CORO2B: variants seen among roughly 807,000 people sequenced by gnomAD.
CORO2B encodes coronin 2B.
A neutral mutation model predicts 58.8 loss-of-function variants in CORO2B; 26 were observed. The ratio of observed to expected loss-of-function variants is 0.44; its 90% CI spans 0.32 to 0.61. The LOEUF is 0.61. Among genes scored for constraint, CORO2B ranks in the 20% least tolerant of loss-of-function variants. The probability of loss-of-function intolerance (pLI) is 0.04; values close to 1 mark genes in which losing one functional copy is unlikely to be tolerated. For missense variants in CORO2B, 460 were observed against 645.1 expected (o/e 0.71, Z 3.11); for synonymous variants, 242 against 253.8 (o/e 0.95, Z 0.44).
chr15:68,544,868 C>T, the CORO2B span, among the ~76,000 whole-genome samples: 4 of 152,208 alleles, frequency 2.6e-5, no homozygotes, highest in African/African-American at 7.2e-5. Flanking sequence ...GCTCCGCCTC[C>T]GGGGTTCACG....
intron 2 of CORO2B, among the ~76,000 whole-genome samples, chr15:68,650,186 T>G (rs1018458122): frequency 4.0e-5 from 6 of 151,752 alleles, no homozygotes; most frequent in Non-Finnish European, 7.4e-5. Context: ...CTGACCAACA[T>G]GGAGAAACCC....
At chr15:68,697,162 TTGGATGGATAGATGGA>T (rs1892533102) in intron 3 of CORO2B, among the ~76,000 whole-genome samples, 1 of 148,592 alleles carries the variant, frequency 6.7e-6, no homozygotes, top group Non-Finnish European at 1.5e-5. Context: ...GGATGGATTG[TTGGATGGATAGATGGA>T]TGGATGGATT....
chr15:68,690,050 A>G (rs777552278), intron 2 of CORO2B, among the ~76,000 whole-genome samples: 1 of 152,234 alleles, frequency 6.6e-6, no homozygotes, highest in African/African-American at 2.4e-5. Context: ...AAAATGTATT[A>G]CTTCCCAATT....
At chr15:68,709,288 C>T (rs1245179575) in intron 3 of CORO2B, among the ~76,000 whole-genome samples, 1 of 152,170 alleles carries the variant, frequency 6.6e-6, no homozygotes, top group African/African-American at 2.4e-5. Flanking sequence ...ATACTACCAA[C>T]ATCCATTCAA....
intron 1 of CORO2B, among the ~76,000 whole-genome samples, chr15:68,613,136 A>G (rs1900278856): frequency 6.6e-6 from 1 of 152,222 alleles, no homozygotes; most frequent in Non-Finnish European, 1.5e-5. Flanking sequence ...CTTTAGTCTT[A>G]CATCCAGCTT....
intron 2 of CORO2B, among the ~76,000 whole-genome samples, chr15:68,670,707 G>A (rs756001146): frequency 3.9e-5 from 6 of 152,210 alleles, no homozygotes; most frequent in Non-Finnish European, 7.3e-5. Context: ...CTAAGCAAAT[G>A]AAGATATAAG....
chr15:68,652,195 T>C (rs959111584), intron 2 of CORO2B, among the ~76,000 whole-genome samples: 1 of 152,200 alleles, frequency 6.6e-6, no homozygotes, highest in African/African-American at 2.4e-5. Context: ...GGCTCTGTCT[T>C]CCCCAGGTCT....
At chr15:68,601,747 C>A (rs1899989283) in intron 1 of CORO2B, among the ~76,000 whole-genome samples, 1 of 152,180 alleles carries the variant, frequency 6.6e-6, no homozygotes, top group Non-Finnish European at 1.5e-5. Flanking sequence ...TTGAGTGCAG[C>A]TGGGGCTTAG....
chr15:68,599,829 A>AT (rs1899936896), intron 1 of CORO2B, among the ~76,000 whole-genome samples: 1 of 152,108 alleles, frequency 6.6e-6, no homozygotes, highest in Admixed American at 6.5e-5. Context: ...ATCTTGTCTA[A>AT]TTGTGCTCGA....
intron 2 of CORO2B, among the ~76,000 whole-genome samples, chr15:68,661,545 C>T (rs1332931071): frequency 6.6e-6 from 1 of 152,162 alleles, no homozygotes; most frequent in African/African-American, 2.4e-5. Context: ...GAGTTAGCAG[C>T]TTTACAGATA....
chr15:68,722,400 A>G (rs1391043065), intron 11 of CORO2B, among the ~76,000 whole-genome samples: 2 of 152,194 alleles, frequency 1.3e-5, no homozygotes, highest in Non-Finnish European at 2.9e-5. Context: ...GGAAGCAGCC[A>G]GTTAGAAAGT....
chr15:68,663,595 A>T (rs1263027445), intron 2 of CORO2B, among the ~76,000 whole-genome samples: 4 of 152,252 alleles, frequency 2.6e-5, no homozygotes, highest in Admixed American at 2.0e-4. Context: ...AATCAAAATT[A>T]AAAACTTTTG....
In CORO2B at chr15:68,579,069, G is replaced by A. The variant is rs1899344547; in HGVS notation, c.-194G>A. ...CATTCGGGGCTGACATCAGCGACGA[G>A]CGGCGGGCGAGCGCCGACGAGCGGT... On this transcript the variant is annotated 5_prime_UTR_variant, in exon 1 of 12. Transcript: ENST00000261861. 1.0e-6 allele frequency: 1 copy of A among 983,780 alleles called. No homozygotes were observed. Among genetic ancestry groups the A allele is most frequent in the African/African-American group, 1.8e-5 (1 of 57,038 alleles). The allele number at this position is 983,780 out of a possible 1,614,324, so 60.9% of individuals were successfully genotyped here.
rs1900224824 is a variant in CORO2B at position 68,610,536 on chromosome 15, C to CTCCTGTTCTCCCA, written c.15+31264_15+31276dup. 2.6e-5 allele frequency among the ~76,000 whole-genome samples: 4 copies of CTCCTGTTCTCCCA among 152,226 alleles called. No homozygotes were observed. In the South Asian group the frequency reaches 8.3e-4, roughly 32 times the overall value. ...CCCTCCCTCATACATCCTCTCTCCC[C>CTCCTGTTCTCCCA]TCCTGTTCTCCCATCCTTCCATCAC... is the stretch of plus-strand genomic sequence containing the variant. On this transcript the variant is annotated intron_variant, in intron 1 of 11. Coordinates refer to ENST00000261861, the MANE Select transcript of CORO2B (RefSeq NM_006091.5).
chr15:68,695,313 T>A, intron 3 of CORO2B, 57 bp downstream of exon 3: 2 of 1,258,228 alleles, frequency 1.6e-6, no homozygotes, highest in Non-Finnish European at 1.2e-6. Context: ...CTGCTTCCTT[T>A]GGAGGCCTCT....
the CORO2B span, among the ~76,000 whole-genome samples, chr15:68,520,125 C>A: frequency 6.6e-6 from 1 of 152,090 alleles, no homozygotes; most frequent in Non-Finnish European, 1.5e-5. Flanking sequence ...CCACTGTGGT[C>A]AAAAAACAAA....
chr15:68,532,452 A>G, the CORO2B span, among the ~76,000 whole-genome samples: 1 of 152,206 alleles, frequency 6.6e-6, no homozygotes, highest in Admixed American at 6.5e-5. Flanking sequence ...TTCATTTCAC[A>G]TATTGTATTT....
At chr15:68,716,933 A>C (rs1238643612) in intron 8 of CORO2B, among the ~76,000 whole-genome samples, 1 of 152,066 alleles carries the variant, frequency 6.6e-6, no homozygotes, top group Non-Finnish European at 1.5e-5. Flanking sequence ...GCATTTGATA[A>C]GGAAATCATT....
At chr15:68,656,325 C>T (rs1901807117) in intron 2 of CORO2B, among the ~76,000 whole-genome samples, 1 of 151,952 alleles carries the variant, frequency 6.6e-6, no homozygotes, top group Non-Finnish European at 1.5e-5. Context: ...CTTCTTGTCT[C>T]CCCCCTTTCC....
Sources: gnomAD v4.1 joint callset for allele counts (sites outside exome capture counted in the v4.1 genomes callset) on GRCh38, gnomAD v4.1.1 for gene constraint, MANE v1.5 for transcripts, NCBI Gene and HGNC (gene_info 2026-07-23, HGNC 2026-07-21) for gene names.